PIK3R3: variants seen among roughly 807,000 people sequenced by gnomAD.
The protein encoded by PIK3R3 is phosphatidylinositol 3-kinase regulatory subunit gamma.
Under a neutral mutation model 62.9 loss-of-function variants are expected in PIK3R3, and 64 were observed. The ratio of observed to expected loss-of-function variants is 1.02; its 90% CI spans 0.83 to 1.25. The LOEUF (loss-of-function observed/expected upper bound fraction) is 1.25. PIK3R3 is among the 50% of genes most tolerant of loss of function. PIK3R3 has a pLI of 0.00. For synonymous variants in PIK3R3, 165 were observed against 189.0 expected (o/e 0.87, Z 1.04); for missense variants, 614 against 561.6 (o/e 1.09, Z -0.94).
chr1:46,170,300 CTTTG>C, the PIK3R3 span, among the ~76,000 whole-genome samples: 9 of 152,110 alleles, frequency 5.9e-5, no homozygotes, highest in Admixed American at 5.9e-4. Context: ...GTTATGTTTT[CTTTG>C]TTTGTATAAT....
intron 2 of PIK3R3, among the ~76,000 whole-genome samples, chr1:46,079,848 G>A (rs1047408625): frequency 1.3e-5 from 2 of 150,722 alleles, no homozygotes; most frequent in African/African-American, 4.9e-5. Flanking sequence ...CAGCTACTTG[G>A]GAGGCTGAGG....
chr1:46,106,675 C>T (rs1484675197), intron 1 of PIK3R3, among the ~76,000 whole-genome samples: 2 of 152,174 alleles, frequency 1.3e-5, no homozygotes, highest in Non-Finnish European at 2.9e-5. Flanking sequence ...TTAGTTGGAA[C>T]TCATATTTCT....
At chr1:46,148,946 G>T in the PIK3R3 span, among the ~76,000 whole-genome samples, 2 of 152,102 alleles carry the variant, frequency 1.3e-5, no homozygotes, top group Non-Finnish European at 2.9e-5. Context: ...CCCCAGGAGG[G>T]GATTCTTAGT....
chr1:46,107,341 G>C (rs1653316058), intron 1 of PIK3R3, among the ~76,000 whole-genome samples: 1 of 152,104 alleles, frequency 6.6e-6, no homozygotes, highest in Non-Finnish European at 1.5e-5. Context: ...CTGGGTGACA[G>C]AGTGAGACTC....
At chr1:46,065,910 G>A (rs940380488) in intron 5 of PIK3R3, 144 bp downstream of exon 5, 3 of 699,052 alleles carry the variant, frequency 4.3e-6, no homozygotes, top group Non-Finnish European at 7.5e-6. Context: ...GAAGGGAGGG[G>A]AATTTATATC....
chr1:46,051,889 A>G (rs1484892414), intron 7 of PIK3R3, among the ~76,000 whole-genome samples: 1 of 151,982 alleles, frequency 6.6e-6, no homozygotes, highest in East Asian at 1.9e-4. Context: ...AACAAATAAT[A>G]CACTTTGGGA....
At chr1:46,057,621 G>A (rs1648051601) in intron 6 of PIK3R3, among the ~76,000 whole-genome samples, 1 of 152,178 alleles carries the variant, frequency 6.6e-6, no homozygotes, top group South Asian at 2.1e-4. Flanking sequence ...CTGGAGCAAA[G>A]GTGACTCTTG....
intron 1 of PIK3R3, among the ~76,000 whole-genome samples, chr1:46,086,681 C>A (rs894161694): frequency 1.3e-5 from 2 of 151,968 alleles, no homozygotes; most frequent in Non-Finnish European, 2.9e-5. Context: ...GCCTAGGCAA[C>A]AAAGTGAGAC....
intron 1 of PIK3R3, among the ~76,000 whole-genome samples, chr1:46,109,784 T>C (rs1653569742): frequency 1.3e-5 from 2 of 152,008 alleles, no homozygotes; most frequent in Non-Finnish European, 2.9e-5. Flanking sequence ...GCCCGACCAA[T>C]CTCCTGGTTC....
chr1:46,120,315 C>T (rs959575925), intron 1 of PIK3R3, among the ~76,000 whole-genome samples: 16 of 152,188 alleles, frequency 1.1e-4, no homozygotes, highest in African/African-American at 3.6e-4. Context: ...CGGTGGCTCA[C>T]GCCTGTAATC....
intron 1 of PIK3R3, among the ~76,000 whole-genome samples, chr1:46,093,459 C>T (rs1159992226): frequency 6.6e-6 from 1 of 152,116 alleles, no homozygotes; most frequent in Non-Finnish European, 1.5e-5. Flanking sequence ...TAATATTTAC[C>T]TTCCAAATAG....
At chr1:46,172,129 T>C in the PIK3R3 span, among the ~76,000 whole-genome samples, 1 of 152,186 alleles carries the variant, frequency 6.6e-6, no homozygotes, top group Non-Finnish European at 1.5e-5. Flanking sequence ...TGGCTTGGCC[T>C]GGCCTGCTCC....
chr1:46,137,992 C>T (rs2149485884), upstream of PIK3R3, among the ~76,000 whole-genome samples: 1 of 152,334 alleles, frequency 6.6e-6, no homozygotes, highest in South Asian at 2.1e-4. Context: ...TTCCCTCCCT[C>T]TGGCTGACCC....
chr1:46,174,185 G>A, the PIK3R3 span, among the ~76,000 whole-genome samples: 1 of 152,184 alleles, frequency 6.6e-6, no homozygotes, highest in Admixed American at 6.5e-5. Flanking sequence ...TGCAGTATGT[G>A]TCTATGAGTT....
chr1:46,134,872 A>G (rs768696721), upstream of PIK3R3, among the ~76,000 whole-genome samples: 2 of 152,240 alleles, frequency 1.3e-5, no homozygotes, highest in African/African-American at 2.4e-5. Flanking sequence ...AGATGAAGTG[A>G]CGTCCAAGCA....
the PIK3R3 span, among the ~76,000 whole-genome samples, chr1:46,141,251 G>A: frequency 6.6e-6 from 1 of 151,656 alleles, no homozygotes; most frequent in African/African-American, 2.4e-5. Context: ...TTTTTTTCAA[G>A]CACATTTTAT....
chr1:46,133,181 G>A (rs987410693), upstream of PIK3R3: 1 of 190,756 alleles, frequency 5.2e-6, no homozygotes, highest in Non-Finnish European at 9.7e-6. Flanking sequence ...TACTAAGCGG[G>A]ACAAAGGCAG....
At chr1:46,166,508 A>G in the PIK3R3 span, among the ~76,000 whole-genome samples, 1 of 152,018 alleles carries the variant, frequency 6.6e-6, no homozygotes, top group East Asian at 1.9e-4. Context: ...GTGAGCCACC[A>G]CACCTGGCCA....
At chr1:46,149,122 A>G in the PIK3R3 span, among the ~76,000 whole-genome samples, 1 of 152,148 alleles carries the variant, frequency 6.6e-6, no homozygotes, top group Non-Finnish European at 1.5e-5. Context: ...ATGTATTAGC[A>G]TGCTAAAAGA....
Sources: allele counts gnomAD v4.1 joint callset (sites outside exome capture counted in the v4.1 genomes callset), GRCh38; gene constraint gnomAD v4.1.1; transcripts MANE v1.5; gene names NCBI Gene and HGNC (gene_info 2026-07-23, HGNC 2026-07-21).